The following HSF2BP variants were observed in gnomAD, a reference collection of about 807,000 sequenced individuals.
HSF2BP encodes the protein heat shock transcription factor 2 binding protein, also known as heat shock factor 2-binding protein.
HSF2BP carries 35 observed loss-of-function variants against 35.0 expected under a neutral mutation model. The observed-to-expected ratio is 1.00, with a 90% CI of 0.76 to 1.32. HSF2BP has a LOEUF of 1.32. Among genes scored for constraint, HSF2BP ranks in the 40% most tolerant of loss-of-function variants. HSF2BP has a pLI of 0.00. For synonymous variants in HSF2BP, 114 were observed against 117.4 expected, an observed-to-expected ratio of 0.97 and a Z score of 0.18; for missense variants, 326 against 321.7, an observed-to-expected ratio of 1.01 and a Z score of -0.10.
At chr21:43,636,238 GAAAAGAAAAGAAAAGA>G (rs2082555361) in intron 4 of HSF2BP, among the ~76,000 whole-genome samples, 1 of 120,440 alleles carries the variant, frequency 8.3e-6, no homozygotes, top group South Asian at 2.6e-4. Context: ...GAAAAGAAAA[GAAAAGAAAAGAAAAGA>G]AAAGAAAAGA....
At chr21:43,657,087 G>A (rs2082880612) in intron 2 of HSF2BP, among the ~76,000 whole-genome samples, 3 of 152,130 alleles carry the variant, frequency 2.0e-5, no homozygotes, top group African/African-American at 7.2e-5. Flanking sequence ...ACGTGCCCAG[G>A]AGGCCCGGCG....
intron 8 of HSF2BP, among the ~76,000 whole-genome samples, chr21:43,578,153 C>T (rs2081669263): frequency 6.6e-6 from 1 of 152,194 alleles, no homozygotes; most frequent in East Asian, 1.9e-4. Context: ...GGATGCCCTG[C>T]ACTGACCACC....
intron 4 of HSF2BP, among the ~76,000 whole-genome samples, chr21:43,633,987 A>ATTT: frequency 6.6e-6 from 1 of 152,222 alleles, no homozygotes; most frequent in Non-Finnish European, 1.5e-5. Context: ...AGGTGCCAGT[A>ATTT]AATATAAAAT....
intron 6 of HSF2BP, among the ~76,000 whole-genome samples, chr21:43,626,650 C>T (rs1458518908): frequency 6.6e-6 from 1 of 152,168 alleles, no homozygotes; most frequent in Non-Finnish European, 1.5e-5. Flanking sequence ...TCAGTGATAT[C>T]TTCTTCACTT....
chr21:43,606,721 G>A (rs954978879), intron 7 of HSF2BP, among the ~76,000 whole-genome samples: 2 of 152,252 alleles, frequency 1.3e-5, no homozygotes, highest in Admixed American at 6.5e-5. Flanking sequence ...TGGGGAGGGG[G>A]ACACCAACAA....
intron 6 of HSF2BP, among the ~76,000 whole-genome samples, chr21:43,619,086 T>C (rs1054201921): frequency 6.6e-6 from 1 of 152,184 alleles, no homozygotes; most frequent in African/African-American, 2.4e-5. Flanking sequence ...TAGCTGGGAC[T>C]ACAGGCCTGC....
intron 5 of HSF2BP, among the ~76,000 whole-genome samples, chr21:43,631,292 A>C (rs2147001012): frequency 6.6e-6 from 1 of 152,246 alleles, no homozygotes; most frequent in East Asian, 1.9e-4. Context: ...CTTCATTTCC[A>C]GTCATGATCA....
chr21:43,590,922 T>C (rs572970017), intron 8 of HSF2BP, among the ~76,000 whole-genome samples: 41 of 152,340 alleles, frequency 2.7e-4, no homozygotes, highest in African/African-American at 9.4e-4. Flanking sequence ...ATTACCTTGA[T>C]TGTGATAATA....
At chr21:43,596,655 C>T (rs541286574) in intron 7 of HSF2BP, among the ~76,000 whole-genome samples, 30 of 151,888 alleles carry the variant, frequency 2.0e-4, no homozygotes, top group African/African-American at 7.2e-4. Flanking sequence ...TGCTTGAGCC[C>T]GGAGTTCAAA....
intron 3 of HSF2BP, among the ~76,000 whole-genome samples, chr21:43,654,415 G>A (rs549688837): frequency 3.3e-5 from 5 of 152,306 alleles, no homozygotes; most frequent in African/African-American, 7.2e-5. Context: ...ACCTGGGTCC[G>A]CTTCGCAGTC....
chr21:43,574,194 C>T (rs8127287), intron 8 of HSF2BP, among the ~76,000 whole-genome samples: 5,794 of 152,264 alleles, frequency 0.038, 143 homozygotes, highest in African/African-American at 0.07. Flanking sequence ...GCCCTTTCAA[C>T]CTACAACTAT....
chr21:43,580,790 G>A (rs1329997910), intron 8 of HSF2BP, among the ~76,000 whole-genome samples: 1 of 152,128 alleles, frequency 6.6e-6, no homozygotes, highest in Non-Finnish European at 1.5e-5. Flanking sequence ...TCTATCAAAT[G>A]GCCATCCACA....
chr21:43,656,869 A>G (rs1358884451), intron 2 of HSF2BP, 132 bp from the exon 3 acceptor site: 2 of 700,518 alleles, frequency 2.9e-6, no homozygotes, highest in African/African-American at 3.6e-5. Context: ...CCTACTGTAT[A>G]TTCTGCTATA....
At chr21:43,646,327 G>A (rs1191075564) in intron 3 of HSF2BP, among the ~76,000 whole-genome samples, 2 of 152,104 alleles carry the variant, frequency 1.3e-5, no homozygotes, top group Non-Finnish European at 2.9e-5. Flanking sequence ...GAAGCACTAT[G>A]CTTTAAAAAC....
intron 4 of HSF2BP, among the ~76,000 whole-genome samples, chr21:43,637,130 T>C (rs1046174219): frequency 4.6e-5 from 7 of 150,786 alleles, no homozygotes; most frequent in Admixed American, 1.3e-4. Context: ...ATCTATAAAA[T>C]AAAAAAGAAA....
chr21:43,496,153 T>TAC, the HSF2BP span, among the ~76,000 whole-genome samples: 166 of 130,204 alleles, frequency 1.3e-3, 24 homozygotes, highest in African/African-American at 4.3e-3. Flanking sequence ...AACTAAAGAT[T>TAC]ACACACACAC....
At chr21:43,467,756 AC>A in the HSF2BP span, among the ~76,000 whole-genome samples, 118 of 71,202 alleles carry the variant, frequency 1.7e-3, no homozygotes, top group East Asian at 4.1e-3. Context: ...CACACCACAC[AC>A]CCACACACCA....
intron 3 of HSF2BP, among the ~76,000 whole-genome samples, chr21:43,651,377 G>A (rs1482466009): frequency 6.6e-6 from 1 of 151,834 alleles, no homozygotes; most frequent in Admixed American, 6.6e-5. Flanking sequence ...ACTTTGTCCT[G>A]ACTTAACCAC....
intron 4 of HSF2BP, among the ~76,000 whole-genome samples, chr21:43,636,858 C>T (rs1041556075): frequency 1.4e-5 from 2 of 147,130 alleles, no homozygotes; most frequent in African/African-American, 5.1e-5. Context: ...CACCACTACA[C>T]TCCAGCCTGG....
Sources: gnomAD v4.1 joint callset for allele counts (sites outside exome capture counted in the v4.1 genomes callset) on GRCh38, gnomAD v4.1.1 for gene constraint, MANE v1.5 for transcripts, NCBI Gene and HGNC (gene_info 2026-07-23, HGNC 2026-07-21) for gene names.